SPOCK1: variants seen among roughly 807,000 people sequenced by gnomAD.
The protein encoded by SPOCK1 is SPARC (osteonectin), cwcv and kazal like domains proteoglycan 1.
SPOCK1 carries 23 observed loss-of-function variants against 55.3 expected under a neutral mutation model. The ratio of observed to expected loss-of-function variants is 0.42; its 90% CI spans 0.30 to 0.59. SPOCK1 has a LOEUF of 0.59. Ranked by LOEUF, SPOCK1 falls within the 20% of genes least tolerant of loss-of-function variation. The pLI is 0.22. For missense variants in SPOCK1, 499 were observed against 552.5 expected, an observed-to-expected ratio of 0.90 and a Z score of 0.97; for synonymous variants, 226 against 221.0, an observed-to-expected ratio of 1.02 and a Z score of -0.20.
chr5:137,353,198 G>C (rs1750719152), intron 2 of SPOCK1, among the ~76,000 whole-genome samples: 1 of 152,114 alleles, frequency 6.6e-6, no homozygotes, highest in African/African-American at 2.4e-5. Context: ...TGGGCAATAT[G>C]GCAAAACTCC....
chr5:137,014,195 G>A (rs1331885580), intron 6 of SPOCK1, among the ~76,000 whole-genome samples: 1 of 152,010 alleles, frequency 6.6e-6, no homozygotes, highest in African/African-American at 2.4e-5. Context: ...GCTTTGTTCT[G>A]TTTTTGCCAT....
At chr5:137,305,380 G>T (rs1484922374) in intron 2 of SPOCK1, among the ~76,000 whole-genome samples, 3 of 152,156 alleles carry the variant, frequency 2.0e-5, no homozygotes, top group Non-Finnish European at 4.4e-5. Context: ...GCCCCATCCT[G>T]CTTATCTTAT....
At chr5:137,480,809 C>T (rs1467762203) in intron 2 of SPOCK1, among the ~76,000 whole-genome samples, 1 of 152,052 alleles carries the variant, frequency 6.6e-6, no homozygotes, top group Non-Finnish European at 1.5e-5. Flanking sequence ...AGGCAAATAC[C>T]TCCTGGCTAA....
chr5:137,293,442 T>A (rs1226925992), intron 2 of SPOCK1, among the ~76,000 whole-genome samples: 1 of 152,156 alleles, frequency 6.6e-6, no homozygotes, highest in Admixed American at 6.5e-5. Context: ...GACAATGCCC[T>A]CTAGAGCTTC....
chr5:137,188,821 TA>T (rs1755121714), intron 3 of SPOCK1, among the ~76,000 whole-genome samples: 1 of 152,266 alleles, frequency 6.6e-6, no homozygotes, highest in Non-Finnish European at 1.5e-5. Context: ...GCCAAACATT[TA>T]GCCAAGTTGT....
At chr5:137,241,916 T>C (rs889886521) in intron 3 of SPOCK1, among the ~76,000 whole-genome samples, 23 of 152,226 alleles carry the variant, frequency 1.5e-4, no homozygotes, top group African/African-American at 5.1e-4. Flanking sequence ...GCTCCTCTTC[T>C]GGGAATTCAG....
In SPOCK1 at chr5:137,267,103, C is replaced by T. The variant is rs747629977; in HGVS notation, c.187-48G>A. 5.4e-6 allele frequency: 8 copies of T among 1,488,710 alleles called. No individual in the cohort carries two copies. The African/African-American group carries it at 1.1e-4, about 21-fold the overall frequency. The allele number at this position is 1,488,710 out of a possible 1,614,324, so 92.2% of individuals were successfully genotyped here. ...ACAAAGGTCAGAGTTCAAAAAGCTT[C>T]TCACATAACTGCATAAAAACCTGCC... On this transcript the variant is annotated intron_variant, in intron 2 of 10. Coordinates refer to ENST00000394945, the MANE Select transcript of SPOCK1 (RefSeq NM_004598.4).
At chr5:137,318,530 G>C (rs1366344079) in intron 2 of SPOCK1, among the ~76,000 whole-genome samples, 1 of 152,174 alleles carries the variant, frequency 6.6e-6, no homozygotes, top group African/African-American at 2.4e-5. Flanking sequence ...AGAGGTAAGA[G>C]TGCTCGAGAT....
At chr5:137,027,003 A>C (rs1420772714) in intron 6 of SPOCK1, among the ~76,000 whole-genome samples, 1 of 152,218 alleles carries the variant, frequency 6.6e-6, no homozygotes, top group African/African-American at 2.4e-5. Context: ...GAATGAATAA[A>C]ATCTTCATTC....
At chr5:137,034,523 C>T (rs1751844002) in intron 6 of SPOCK1, among the ~76,000 whole-genome samples, 1 of 152,168 alleles carries the variant, frequency 6.6e-6, no homozygotes, top group African/African-American at 2.4e-5. Context: ...CACTGTATTC[C>T]AAGCCCTATA....
At chr5:137,336,577 G>A (rs1426914785) in intron 2 of SPOCK1, among the ~76,000 whole-genome samples, 1 of 152,208 alleles carries the variant, frequency 6.6e-6, no homozygotes, top group African/African-American at 2.4e-5. Flanking sequence ...AGAACAGAGA[G>A]AGAAGAGGCC....
chr5:137,027,561 G>A (rs1325850081), intron 6 of SPOCK1, among the ~76,000 whole-genome samples: 1 of 151,992 alleles, frequency 6.6e-6, no homozygotes, highest in Admixed American at 6.6e-5. Context: ...AAGGAATTGA[G>A]CTTTTAGTTT....
At chr5:137,106,767 G>A (rs1038619558) in intron 5 of SPOCK1, among the ~76,000 whole-genome samples, 3 of 152,080 alleles carry the variant, frequency 2.0e-5, no homozygotes, top group Non-Finnish European at 4.4e-5. Context: ...CCTTTGGTAG[G>A]TTCCCCAATA....
chr5:137,354,183 T>C (rs1750740987), intron 2 of SPOCK1, among the ~76,000 whole-genome samples: 1 of 152,108 alleles, frequency 6.6e-6, no homozygotes, highest in Non-Finnish European at 1.5e-5. Flanking sequence ...CCAGTGGTGG[T>C]TCCCCAGCCC....
At chr5:137,201,855 C>T (rs1468381531) in intron 3 of SPOCK1, among the ~76,000 whole-genome samples, 5 of 152,256 alleles carry the variant, frequency 3.3e-5, no homozygotes, top group Middle Eastern at 3.4e-3. Flanking sequence ...AAAATACACC[C>T]AGCTCTATTC....
At chr5:137,177,568 G>A (rs894593989) in intron 3 of SPOCK1, among the ~76,000 whole-genome samples, 2 of 152,038 alleles carry the variant, frequency 1.3e-5, no homozygotes, top group African/African-American at 4.8e-5. Flanking sequence ...TCAGGAAAGG[G>A]GCTTCAGGAG....
intron 2 of SPOCK1, among the ~76,000 whole-genome samples, chr5:137,294,185 G>C (rs545555916): frequency 6.6e-6 from 1 of 151,274 alleles, no homozygotes; most frequent in Non-Finnish European, 1.5e-5. Flanking sequence ...CTTCTTTATC[G>C]AACCATATGG....
At chr5:137,423,988 C>T (rs1319780178) in intron 2 of SPOCK1, among the ~76,000 whole-genome samples, 4 of 33,854 alleles carry the variant, frequency 1.2e-4, no homozygotes, top group Non-Finnish European at 5.7e-4. Flanking sequence ...AGTGAAGATT[C>T]ATTTTTTTTT....
chr5:137,008,096 G>A (rs1249836603), intron 6 of SPOCK1, among the ~76,000 whole-genome samples: 2 of 144,260 alleles, frequency 1.4e-5, no homozygotes, highest in Non-Finnish European at 1.5e-5. Flanking sequence ...AAACGAGAAC[G>A]TATGGGCACA....
Sources: gnomAD v4.1 joint callset for allele counts (sites outside exome capture counted in the v4.1 genomes callset) on GRCh38, gnomAD v4.1.1 for gene constraint, MANE v1.5 for transcripts, NCBI Gene and HGNC (gene_info 2026-07-23, HGNC 2026-07-21) for gene names.